The following CORO2A variants were observed in gnomAD, a reference collection of about 807,000 sequenced individuals.
CORO2A encodes coronin 2A, also known as coronin-2A.
Under a neutral mutation model 62.4 loss-of-function variants are expected in CORO2A, and 47 were observed. That is an observed-to-expected ratio of 0.75 (90% CI 0.60 to 0.96). The LOEUF is 0.96. Among genes scored for constraint, CORO2A ranks in the 40% least tolerant of loss-of-function variants. The pLI is 0.00. For synonymous variants in CORO2A, 273 were observed against 268.9 expected, an observed-to-expected ratio of 1.02 and a Z score of -0.15; for missense variants, 610 against 684.1, an observed-to-expected ratio of 0.89 and a Z score of 1.21.
At chr9:98,144,590 C>A (rs1350424067) in intron 2 of CORO2A, among the ~76,000 whole-genome samples, 1 of 152,182 alleles carries the variant, frequency 6.6e-6, no homozygotes, top group Non-Finnish European at 1.5e-5. Context: ...AAGGAATATA[C>A]TTTGAGCTCA....
At chr9:98,173,381 G>A (rs1319229070) in intron 1 of CORO2A, among the ~76,000 whole-genome samples, 1 of 152,204 alleles carries the variant, frequency 6.6e-6, no homozygotes, top group East Asian at 1.9e-4. Flanking sequence ...TCCACTTCGT[G>A]AGTGTGGCCG....
intron 1 of CORO2A, among the ~76,000 whole-genome samples, chr9:98,180,012 A>G (rs941265563): frequency 6.6e-6 from 1 of 152,068 alleles, no homozygotes; most frequent in Non-Finnish European, 1.5e-5. Context: ...CAAACAAAAC[A>G]AAACAAAACA....
intron 2 of CORO2A, among the ~76,000 whole-genome samples, chr9:98,148,410 A>AG (rs1564206987): frequency 6.8e-6 from 1 of 146,690 alleles, no homozygotes; most frequent in East Asian, 2.0e-4. Context: ...AAAAAAAAAA[A>AG]TAAGATAAAT....
chr9:98,157,108 T>TC (rs1342408187), intron 2 of CORO2A, among the ~76,000 whole-genome samples: 3 of 152,202 alleles, frequency 2.0e-5, no homozygotes, highest in African/African-American at 7.2e-5. Flanking sequence ...AATGTTTGTT[T>TC]CCCTTTTTTT....
Position 98,124,834 on chromosome 9 carries a change from G to A in CORO2A, c.1518C>T (p.Val506=), listed in dbSNP as rs765457925. The A allele has an allele frequency of 1.2e-6, 2 of 1,606,994 alleles. No homozygotes were observed. The highest frequency in any genetic ancestry group is 1.7e-6 in the Non-Finnish European group (2 of 1,176,194). The change falls in exon 12 of 12, where the codon GTC becomes GTT. Residue 506 remains valine (V), a synonymous_variant. Coordinates refer to ENST00000375077, the MANE Select transcript of CORO2A (RefSeq NM_052820.4). Reference sequence around the variant, plus strand: ...TCTCCAGTTCCAACTGTTTGGCCTGGACCTCTCGCTGGGTCAACAGCTCCC... The same window carrying A: ...TCTCCAGTTCCAACTGTTTGGCCTGAACCTCTCGCTGGGTCAACAGCTCCC... The part of the protein sequence containing the change: ...RLRELLTQRE[V]QAKQLELEIK...
intron 10 of CORO2A, 96 bp downstream of exon 10, chr9:98,128,074 G>A (rs1279996581): frequency 1.0e-6 from 1 of 993,874 alleles, no homozygotes; most frequent in African/African-American, 1.6e-5. Flanking sequence ...CATGAGAGAA[G>A]AAAAATCCAG....
intron 1 of CORO2A, among the ~76,000 whole-genome samples, chr9:98,181,630 G>A (rs954126408): frequency 7.2e-5 from 11 of 151,968 alleles, no homozygotes; most frequent in African/African-American, 2.2e-4. Flanking sequence ...CACACATCAC[G>A]GTGCTTTCAG....
intron 1 of CORO2A, among the ~76,000 whole-genome samples, chr9:98,159,996 GAC>G (rs2118882378): frequency 6.6e-6 from 1 of 152,322 alleles, no homozygotes; most frequent in East Asian, 1.9e-4. Context: ...TACACTGTGT[GAC>G]CTCAGGCAAG....
Position 98,122,820 on chromosome 9 carries a change from T to C in CORO2A, c.*1954A>G, listed in dbSNP as rs571709369. The C allele has an allele frequency of 6.6e-6, 1 of 152,350 alleles. No homozygotes were observed. The highest frequency in any genetic ancestry group is 2.4e-5 in the African/African-American group (1 of 41,538). The allele number at this position is 152,350 out of a possible 1,614,324, so 9.4% of individuals were successfully genotyped here. On this transcript the variant is annotated 3_prime_UTR_variant, in exon 12 of 12. Transcript: ENST00000375077. ...CAGGCTGTGTACCTGAGGGCCTTGG[T>C]GGTGGCAGTCAGCAGTCATGGGCAC...
chr9:98,136,611 G>A lies in CORO2A; in HGVS notation c.318+961C>T, dbSNP rs545108580. Among the ~76,000 whole-genome samples, 13 of 152,342 alleles carry A rather than the reference G, an allele frequency of 8.5e-5. No homozygotes were observed. The South Asian group carries it at 2.7e-3, about 32-fold the overall frequency. Reference sequence around the variant, plus strand: ...TCACAGCACATTGGAAAGAGAATGGGCTGTGGAATCAGACAGGCCTCAGTC... The same window carrying A: ...TCACAGCACATTGGAAAGAGAATGGACTGTGGAATCAGACAGGCCTCAGTC... On this transcript the variant is annotated intron_variant, in intron 3 of 11. Transcript: ENST00000375077.
intron 8 of CORO2A, among the ~76,000 whole-genome samples, chr9:98,128,997 A>G (rs1040240650): frequency 3.3e-5 from 5 of 152,136 alleles, no homozygotes; most frequent in Non-Finnish European, 4.4e-5. Flanking sequence ...CAGTGGCACA[A>G]TCATAGCTCA....
At chr9:98,181,584 C>T (rs1828178678) in intron 1 of CORO2A, among the ~76,000 whole-genome samples, 1 of 152,120 alleles carries the variant, frequency 6.6e-6, no homozygotes. Flanking sequence ...CATTGTTCTA[C>T]TTCCCCAGCC....
chr9:98,130,418 C>A (rs1827388091), intron 7 of CORO2A, among the ~76,000 whole-genome samples: 1 of 152,174 alleles, frequency 6.6e-6, no homozygotes, highest in African/African-American at 2.4e-5. Context: ...AATCCTCCCC[C>A]ACCATGACCC....
intron 1 of CORO2A, among the ~76,000 whole-genome samples, chr9:98,180,636 A>AT (rs1326667198): frequency 6.6e-6 from 1 of 152,060 alleles, no homozygotes; most frequent in Admixed American, 6.5e-5. Context: ...GAACTCTGTC[A>AT]TTAGGTGAAA....
At chr9:98,176,736 G>A (rs7040921) in intron 1 of CORO2A, among the ~76,000 whole-genome samples, 13,371 of 152,132 alleles carry the variant, frequency 0.088, 886 homozygotes, top group East Asian at 0.2. Flanking sequence ...CAGCAGAGCA[G>A]GTCCCCAAAA....
intron 1 of CORO2A, among the ~76,000 whole-genome samples, chr9:98,189,296 C>T (rs754847218): frequency 6.6e-6 from 1 of 152,186 alleles, no homozygotes; most frequent in Non-Finnish European, 1.5e-5. Context: ...TTGCAAAGCA[C>T]GTCCAATCTG....
At chr9:98,134,465 A>G (rs1308195951) in intron 4 of CORO2A, among the ~76,000 whole-genome samples, 1 of 152,230 alleles carries the variant, frequency 6.6e-6, no homozygotes, top group Non-Finnish European at 1.5e-5. Flanking sequence ...TTCGCTGCTG[A>G]AATTAGTTAA....
intron 2 of CORO2A, among the ~76,000 whole-genome samples, chr9:98,146,201 C>G (rs1337188270): frequency 6.6e-6 from 1 of 152,212 alleles, no homozygotes; most frequent in Non-Finnish European, 1.5e-5. Context: ...CCACACCTCA[C>G]AGCAAAGTCC....
intron 1 of CORO2A, among the ~76,000 whole-genome samples, chr9:98,164,251 T>C (rs16913411): frequency 0.062 from 9,397 of 152,282 alleles, 377 homozygotes; most frequent in East Asian, 0.2. Flanking sequence ...TATGTGAAGG[T>C]GCTCTACAAA....
Sources: gnomAD v4.1 joint callset for allele counts (sites outside exome capture counted in the v4.1 genomes callset) on GRCh38, gnomAD v4.1.1 for gene constraint, MANE v1.5 for transcripts, NCBI Gene and HGNC (gene_info 2026-07-23, HGNC 2026-07-21) for gene names.